The following SH3RF3 variants were observed in gnomAD, a reference collection of about 807,000 sequenced individuals.
The protein encoded by SH3RF3 is E3 ubiquitin-protein ligase SH3RF3.
Under a neutral mutation model 66.3 loss-of-function variants are expected in SH3RF3, and 29 were observed. The ratio of observed to expected loss-of-function variants is 0.44; its 90% CI spans 0.33 to 0.60. The LOEUF (loss-of-function observed/expected upper bound fraction) is 0.60. Among genes scored for constraint, SH3RF3 ranks in the 20% least tolerant of loss-of-function variants. The pLI, the probability that SH3RF3 is intolerant of heterozygous loss-of-function variation, is 0.04. For synonymous variants in SH3RF3, 583 were observed against 532.0 expected (o/e 1.10, Z -1.32); for missense variants, 1,194 against 1,190.9 (o/e 1.00, Z -0.04).
Position 109,326,062 on chromosome 2 carries a change from T to C in SH3RF3, c.574-21612T>C, listed in dbSNP as rs533179903. On this transcript the variant is annotated intron_variant, in intron 1 of 9. Coordinates refer to ENST00000309415, the MANE Select transcript of SH3RF3 (RefSeq NM_001099289.3). ...GAGACCTAGAGGCCCTCCAGGGGTATCCTGGGCGTATGCCACATTTTCTCC... is the reference window on the plus strand; with the variant it reads ...GAGACCTAGAGGCCCTCCAGGGGTACCCTGGGCGTATGCCACATTTTCTCC... Among the ~76,000 whole-genome samples, 8 of 152,376 alleles carry C rather than the reference T, an allele frequency of 5.3e-5. No homozygotes were observed. In the South Asian group the frequency reaches 1.7e-3, roughly 32 times the overall value.
chr2:109,433,052 G>C (rs1573247628), intron 6 of SH3RF3, among the ~76,000 whole-genome samples: 1 of 152,334 alleles, frequency 6.6e-6, no homozygotes, highest in East Asian at 1.9e-4. Context: ...ACGCTTCTGT[G>C]TGCTTGTGTG....
Position 109,474,300 on chromosome 2 carries a change from TAG to T in SH3RF3, c.2149-16304_2149-16303del, listed in dbSNP as rs776877946. On this transcript the variant is annotated intron_variant, in intron 8 of 9. Coordinates refer to ENST00000309415, the MANE Select transcript of SH3RF3 (RefSeq NM_001099289.3). ...GAGCTGAAGTTTTGAGCCGGACAGT[TAG>T]TTATGTGTCAGGCTGTTTGAGAGGA... 2.6e-4 allele frequency among the ~76,000 whole-genome samples: 40 copies of T among 151,558 alleles called. 1 individual carries two copies. Among genetic ancestry groups the T allele is most frequent in the Non-Finnish European group, 4.6e-4 (31 of 68,010 alleles).
intron 9 of SH3RF3, among the ~76,000 whole-genome samples, chr2:109,493,440 T>C (rs1242799217): frequency 1.3e-5 from 2 of 148,800 alleles, no homozygotes; most frequent in African/African-American, 2.5e-5. Context: ...ACTACACACA[T>C]GTGCAAACAC....
At chr2:109,352,860 A>G (rs1371657674) in intron 2 of SH3RF3, among the ~76,000 whole-genome samples, 1 of 152,230 alleles carries the variant, frequency 6.6e-6, no homozygotes, top group Non-Finnish European at 1.5e-5. Context: ...TCTGACAGCA[A>G]AGGGAGTTTG....
chr2:109,328,720 G>T (rs930220708), intron 1 of SH3RF3, among the ~76,000 whole-genome samples: 1 of 152,166 alleles, frequency 6.6e-6, no homozygotes, highest in African/African-American at 2.4e-5. Flanking sequence ...ACTGTGTCCT[G>T]TGATCTGTCA....
chr2:109,207,758 A>C (rs1678874473), intron 1 of SH3RF3, among the ~76,000 whole-genome samples: 1 of 152,212 alleles, frequency 6.6e-6, no homozygotes, highest in South Asian at 2.1e-4. Context: ...GTAAATTGCT[A>C]AAATCAACTG....
intron 1 of SH3RF3, chr2:109,251,724 C>T (rs150065592): frequency 7.1e-5 from 51 of 722,122 alleles, no homozygotes; most frequent in Admixed American, 4.5e-4. Context: ...AAAATTAGGT[C>T]GTGTACATTT....
At chr2:109,145,614 C>G (rs1677076016) in intron 1 of SH3RF3, among the ~76,000 whole-genome samples, 1 of 152,208 alleles carries the variant, frequency 6.6e-6, no homozygotes, top group African/African-American at 2.4e-5. Context: ...TTTGGCACTG[C>G]TATCGCCATG....
chr2:109,453,569 C>T (rs1419276399), intron 8 of SH3RF3, among the ~76,000 whole-genome samples: 3 of 152,162 alleles, frequency 2.0e-5, no homozygotes, highest in African/African-American at 7.2e-5. Context: ...CATCCCTAAC[C>T]ACCCGACCGG....
In SH3RF3 at chr2:109,182,427, G is replaced by A. The variant is rs143652697; in HGVS notation, c.573+52314G>A. ...AAAGGTCCAAACCCTCTGCATTAGG[G>A]ATCAAATTTCCAACACATAAACTTT... On this transcript the variant is annotated intron_variant, in intron 1 of 9. Transcript: ENST00000309415. Among the ~76,000 whole-genome samples, 1,326 of 152,248 alleles carry A rather than the reference G, an allele frequency of 8.7e-3. 7 individuals carry two copies. Among genetic ancestry groups the A allele is most frequent in the Non-Finnish European group, 0.014 (957 of 68,028 alleles).
At chr2:109,158,305 G>A (rs1174468379) in intron 1 of SH3RF3, among the ~76,000 whole-genome samples, 1 of 152,232 alleles carries the variant, frequency 6.6e-6, no homozygotes, top group Non-Finnish European at 1.5e-5. Context: ...TCTGGTACAG[G>A]TGAATCAGTG....
intron 1 of SH3RF3, among the ~76,000 whole-genome samples, chr2:109,300,643 C>A (rs1681444838): frequency 6.6e-6 from 1 of 152,148 alleles, no homozygotes; most frequent in African/African-American, 2.4e-5. Context: ...AACCACTCGT[C>A]CTCCATCCAT....
intron 8 of SH3RF3, 138 bp downstream of exon 8, chr2:109,449,627 C>A: frequency 3.4e-6 from 4 of 1,169,960 alleles, no homozygotes; most frequent in Non-Finnish European, 4.7e-6. Context: ...ATGAACCAGG[C>A]GTGTGACAGA....
At position 109,501,860 on chromosome 2, in the gene SH3RF3, G is replaced by A. The variant is rs1001836358; in HGVS notation, c.*189G>A. 23 of 579,444 alleles carry A rather than the reference G, an allele frequency of 4.0e-5. No homozygotes were observed. The highest frequency in any genetic ancestry group is 5.9e-5 in the Admixed American group (2 of 33,626). The allele number at this position is 579,444 out of a possible 1,614,324, so 35.9% of individuals were successfully genotyped here. A position where few individuals can be genotyped will look rare whatever the true frequency, so the allele number is the denominator to read the frequency against. ...GTGCCTTCTCCCAAAACCCCCAAAC[G>A]GAGAGCACACCTGGGATGTTCTTCA... is the stretch of plus-strand genomic sequence containing the variant. On this transcript the variant is annotated 3_prime_UTR_variant, in exon 10 of 10. Coordinates refer to ENST00000309415, the MANE Select transcript of SH3RF3 (RefSeq NM_001099289.3).
At chr2:109,263,116 G>A (rs1680399452) in intron 1 of SH3RF3, among the ~76,000 whole-genome samples, 1 of 152,290 alleles carries the variant, frequency 6.6e-6, no homozygotes. Flanking sequence ...AAAGGGCTGG[G>A]ATTATAGGCG....
At chr2:109,475,124 C>T (rs764123131) in intron 8 of SH3RF3, among the ~76,000 whole-genome samples, 2 of 152,116 alleles carry the variant, frequency 1.3e-5, no homozygotes, top group South Asian at 2.1e-4. Context: ...ACTACAGGTG[C>T]GCACCACCAC....
intron 1 of SH3RF3, among the ~76,000 whole-genome samples, chr2:109,270,013 T>G (rs1680587628): frequency 6.6e-6 from 1 of 152,230 alleles, no homozygotes; most frequent in African/African-American, 2.4e-5. Context: ...GATGAAATAC[T>G]TAATAGATTG....
At chr2:109,410,668 C>A (rs1676563717) in intron 4 of SH3RF3, among the ~76,000 whole-genome samples, 1 of 152,234 alleles carries the variant, frequency 6.6e-6, no homozygotes, top group Admixed American at 6.5e-5. Flanking sequence ...TCAGCCAGCT[C>A]CTTCGGAACA....
chr2:109,366,259 T>A (rs1045088538), intron 2 of SH3RF3, among the ~76,000 whole-genome samples: 11 of 152,216 alleles, frequency 7.2e-5, no homozygotes, highest in African/African-American at 2.7e-4. Context: ...TGGGTTTGTA[T>A]CTTACTTTGC....
Sources: gnomAD v4.1 joint callset for allele counts (sites outside exome capture counted in the v4.1 genomes callset) on GRCh38, gnomAD v4.1.1 for gene constraint, MANE v1.5 for transcripts, NCBI Gene and HGNC (gene_info 2026-07-23, HGNC 2026-07-21) for gene names.